TMCO5A: variants seen among roughly 807,000 people sequenced by gnomAD.
TMCO5A encodes the protein transmembrane and coiled-coil domain-containing protein 5A.
Under a neutral mutation model 42.3 loss-of-function variants are expected in TMCO5A, and 34 were observed. That is an observed-to-expected ratio of 0.80 (90% confidence interval 0.61 to 1.07). The LOEUF is 1.07. TMCO5A is among the 50% of genes least tolerant of loss of function. The probability of loss-of-function intolerance (pLI) is 0.00; values close to 1 mark genes in which losing one functional copy is unlikely to be tolerated. For synonymous variants in TMCO5A, 131 were observed against 115.6 expected (o/e 1.13, Z -0.86); for missense variants, 357 against 327.9 (o/e 1.09, Z -0.69).
intron 10 of TMCO5A, 157 bp downstream of exon 10, chr15:37,943,555 A>G: frequency 1.6e-6 from 1 of 620,694 alleles, no homozygotes. Flanking sequence ...AACCCTAAAC[A>G]AACAAACTAG....
the TMCO5A span, among the ~76,000 whole-genome samples, chr15:38,000,684 C>T: frequency 6.6e-6 from 1 of 151,862 alleles, no homozygotes; most frequent in Non-Finnish European, 1.5e-5. Flanking sequence ...TTTTGCTGTA[C>T]CCTAAAAGTT....
the TMCO5A span, among the ~76,000 whole-genome samples, chr15:38,008,738 C>T: frequency 2.6e-5 from 4 of 152,172 alleles, no homozygotes; most frequent in Non-Finnish European, 4.4e-5. Flanking sequence ...AGGTTGCCAT[C>T]TGAAGTGAGG....
chr15:37,956,935 C>T (rs118021773), intron 11 of TMCO5A, among the ~76,000 whole-genome samples: 3,247 of 152,218 alleles, frequency 0.021, 65 homozygotes, highest in Non-Finnish European at 0.03. Context: ...GCTGGTTCAA[C>T]GGATGCCAAT....
At chr15:38,011,860 C>T in the TMCO5A span, among the ~76,000 whole-genome samples, 4 of 152,206 alleles carry the variant, frequency 2.6e-5, no homozygotes, top group African/African-American at 9.6e-5. Flanking sequence ...CATGGTGGCT[C>T]ATGCTTGTAA....
At chr15:37,951,527 T>C, downstream of TMCO5A, 1 of 313,484 alleles carries the variant, frequency 3.2e-6, no homozygotes, top group Non-Finnish European at 5.8e-6. Flanking sequence ...TAAATTATTC[T>C]AGTGAATCTC....
chr15:38,016,606 A>C, the TMCO5A span, among the ~76,000 whole-genome samples: 1 of 152,340 alleles, frequency 6.6e-6, no homozygotes, highest in East Asian at 1.9e-4. Flanking sequence ...CCAGAGCCGC[A>C]GAAATGAGCA....
chr15:37,985,580 T>G, the TMCO5A span, among the ~76,000 whole-genome samples: 2,142 of 152,300 alleles, frequency 0.014, 62 homozygotes, highest in African/African-American at 0.049. Flanking sequence ...GTTTATTCTA[T>G]TTTTAGAAAA....
the TMCO5A span, among the ~76,000 whole-genome samples, chr15:38,011,867 G>A: frequency 1.3e-5 from 2 of 152,244 alleles, no homozygotes; most frequent in East Asian, 3.9e-4. Context: ...GCTCATGCTT[G>A]TAATCCCAAC....
the TMCO5A span, among the ~76,000 whole-genome samples, chr15:37,987,388 T>C: frequency 7.2e-5 from 11 of 152,106 alleles, no homozygotes; most frequent in South Asian, 8.3e-4. Flanking sequence ...AGTTTTTAAT[T>C]TTTATGAAGA....
intron 2 of TMCO5A, among the ~76,000 whole-genome samples, chr15:37,935,739 G>A (rs1472674315): frequency 2.0e-5 from 3 of 152,024 alleles, no homozygotes; most frequent in Admixed American, 2.0e-4. Flanking sequence ...TATGCCTAGA[G>A]CCTATGTGGG....
downstream of TMCO5A, among the ~76,000 whole-genome samples, chr15:37,969,264 T>G (rs1012985725): frequency 3.9e-5 from 6 of 152,226 alleles, no homozygotes; most frequent in African/African-American, 1.4e-4. Context: ...TTTTCCATCC[T>G]AGATGAATAT....
Position 37,938,059 on chromosome 15 carries a change from A to G in TMCO5A, c.316-99A>G, listed in dbSNP as rs1714921897. 3 of 944,244 alleles carry G rather than the reference A, an allele frequency of 3.2e-6. No individual in the cohort carries two copies. In the Admixed American group the frequency reaches 7.3e-5, roughly 23 times the overall value. The allele number at this position is 944,244 out of a possible 1,614,324, so 58.5% of individuals were successfully genotyped here. On this transcript the variant is annotated intron_variant, in intron 5 of 11. Transcript: ENST00000319669. ...ATCTACCAAAGGACCATATCCTGGA[A>G]AGGTTTATAAAGGCCATAGTTACTA...
At chr15:37,969,724 A>G (rs1211370503), downstream of TMCO5A, among the ~76,000 whole-genome samples, 1 of 152,122 alleles carries the variant, frequency 6.6e-6, no homozygotes, top group African/African-American at 2.4e-5. Context: ...ACCCTCAAGT[A>G]CACTTGTGTT....
At chr15:37,967,700 C>T (rs1034316493) in exon 12 of TMCO5A, 2 of 152,080 alleles carry the variant, frequency 1.3e-5, no homozygotes, top group Non-Finnish European at 2.9e-5. Context: ...TGCATAAAAT[C>T]GAATAAAATA....
chr15:37,965,529 C>G (rs534940564), intron 11 of TMCO5A, among the ~76,000 whole-genome samples: 3 of 152,164 alleles, frequency 2.0e-5, no homozygotes, highest in Admixed American at 2.0e-4. Context: ...GATTAATAAC[C>G]AGGGTATATA....
the TMCO5A span, among the ~76,000 whole-genome samples, chr15:38,037,928 G>A: frequency 2.0e-5 from 3 of 151,536 alleles, no homozygotes; most frequent in East Asian, 3.9e-4. Flanking sequence ...CAGAATAATC[G>A]CTTGAACCCG....
At chr15:37,945,637 T>A (rs780765081) in intron 10 of TMCO5A, among the ~76,000 whole-genome samples, 2 of 152,168 alleles carry the variant, frequency 1.3e-5, no homozygotes, top group South Asian at 2.1e-4. Flanking sequence ...AATGTTGAAC[T>A]TTTTTTGTGT....
rs1264575353 is a variant in TMCO5A, at chr15:37,936,524, C to A, written c.140+61C>A. On this transcript the variant is annotated intron_variant, in intron 3 of 11. Coordinates refer to ENST00000319669, the MANE Select transcript of TMCO5A (RefSeq NM_152453.4). ...CCAAAGAAGGGGTGGAGGACCAAAA[C>A]CAAAACTGAATTTTCCTGCTTGTTC... is the stretch of plus-strand genomic sequence containing the variant. The A allele has an allele frequency of 2.6e-6, 4 of 1,550,718 alleles. No individual in the cohort carries two copies. In the African/African-American group the frequency reaches 5.5e-5, roughly 21 times the overall value.
At chr15:37,965,928 C>A (rs1890545002) in intron 11 of TMCO5A, among the ~76,000 whole-genome samples, 1 of 152,064 alleles carries the variant, frequency 6.6e-6, no homozygotes, top group Non-Finnish European at 1.5e-5. Flanking sequence ...CAAAGGAAAT[C>A]AGTACATTGA....
Sources: gnomAD v4.1 joint callset for allele counts (sites outside exome capture counted in the v4.1 genomes callset) on GRCh38, gnomAD v4.1.1 for gene constraint, MANE v1.5 for transcripts, NCBI Gene and HGNC (gene_info 2026-07-23, HGNC 2026-07-21) for gene names.